The following MEN1 variants were observed in gnomAD, a reference collection of about 807,000 sequenced individuals.
The protein encoded by MEN1 is menin.
A neutral mutation model predicts 58.0 loss-of-function variants in MEN1; 6 were observed. That is an observed-to-expected ratio of 0.10 (90% CI 0.06 to 0.20). MEN1 has a LOEUF of 0.20. Among genes scored for constraint, MEN1 ranks in the 10% least tolerant of loss-of-function variants. MEN1 has a pLI of 1.00. For missense variants in MEN1, 492 were observed against 818.5 expected (o/e 0.60, Z 4.87); for synonymous variants, 346 against 350.7 (o/e 0.99, Z 0.15).
In MEN1 at chr11:64,804,757, C is replaced by A. The variant is rs1060503795; in HGVS notation, c.1410G>T (p.Pro470=). The A allele has an allele frequency of 6.3e-7, 1 of 1,596,956 alleles. No homozygotes were observed. The highest frequency in any genetic ancestry group is 1.1e-5 in the South Asian group (1 of 90,992). ...GGCCTTCCCGGGCTTCCTCGCCCCA[C>A]GGCTCCTCGGCCTCGGCCGCCTCGG... ...REAEAAEAEE[P]WGEEAREGRR... is the part of the protein sequence containing the mutation. The change falls in exon 10 of 10, where the codon CCG becomes CCT. Residue 470 remains proline (P), a synonymous_variant. Transcript: ENST00000450708. The surrounding 1 kb of genome is among the most constrained non-coding windows in gnomAD (Gnocchi z 4.2).
In MEN1 at chr11:64,803,766, G is replaced by A. The variant is rs1941434677; in HGVS notation, c.*568C>T. 1 of 242,608 alleles carries A rather than the reference G, an allele frequency of 4.1e-6. No individual in the cohort carries two copies. The highest frequency in any genetic ancestry group is 5.1e-5 in the Admixed American group (1 of 19,672). 15.0% of individuals were successfully genotyped at this position (242,608 alleles called of 1,614,324 possible). A position where few individuals can be genotyped will look rare whatever the true frequency, so the allele number is the denominator to read the frequency against. ...TCATAGGCTGGGGGCGGAGTTTTGT[G>A]TCCCAGACTCGGGATACGAAGGAGA... is the stretch of plus-strand genomic sequence containing the variant. On this transcript the variant is annotated 3_prime_UTR_variant, in exon 10 of 10. Transcript: ENST00000450708.
intron 2 of MEN1, 78 bp downstream of exon 2, chr11:64,809,587 C>G (rs888336418): frequency 1.7e-4 from 267 of 1,566,522 alleles, no homozygotes; most frequent in Non-Finnish European, 2.2e-4. Flanking sequence ...GCTTACAGTT[C>G]TTAAAAGGGT....
rs748369241 is a variant in MEN1 at position 64,807,184 on chromosome 11, C to A, written c.819G>T (p.Leu273=). ...GGCCACTTCCCTCTACTGACCTTTCCAGATGTCCCAGGTCATAGAGCAGCC... is the reference window on the plus strand; with the variant it reads ...GGCCACTTCCCTCTACTGACCTTTCAAGATGTCCCAGGTCATAGAGCAGCC... ...LLWLLYDLGH[L]ERYPMALGNL... The change falls in exon 5 of 10, where the codon CTG becomes CTT. Residue 273 remains leucine (L), a synonymous_variant. Transcript: ENST00000450708. The surrounding 1 kb of genome is among the most constrained non-coding windows in gnomAD (Gnocchi z 4.9). 5 of 1,614,014 alleles carry A rather than the reference C, an allele frequency of 3.1e-6. No homozygotes were observed. The highest frequency in any genetic ancestry group is 3.4e-6 in the Non-Finnish European group (4 of 1,179,964).
chr11:64,806,431 T>G, intron 6 of MEN1, 63 bp from the exon 7 acceptor site: 1 of 1,603,942 alleles, frequency 6.2e-7, no homozygotes, highest in Non-Finnish European at 8.5e-7. Flanking sequence ...CTGGCACAAA[T>G]GCCCCACCAG....
At position 64,808,065 on chromosome 11, in the gene MEN1, A is replaced by G. The variant is rs2136157794; in HGVS notation, c.480T>C (p.Ala160=). The change falls in exon 3 of 10, where the codon GCT becomes GCC. Residue 160 remains alanine, a synonymous_variant. Coordinates refer to ENST00000450708, the MANE Select transcript of MEN1 (RefSeq NM_001370259.2). ...CCAGGGCCTGGCAGGCCCCAACCACAGCAAAGGCCACACCGGAGCTGTCCA... is the reference window on the plus strand; with the variant it reads ...CCAGGGCCTGGCAGGCCCCAACCACGGCAAAGGCCACACCGGAGCTGTCCA... The part of the protein sequence containing the change: ...TKLDSSGVAF[A]VVGACQALGL... 4.3e-6 allele frequency: 7 copies of G among 1,613,830 alleles called. No individual in the cohort carries two copies. The highest frequency in any genetic ancestry group is 5.9e-6 in the Non-Finnish European group (7 of 1,179,898).
At chr11:64,805,826 GC>G in intron 7 of MEN1, 56 bp from the exon 8 acceptor site, 1 of 1,606,398 alleles carries the variant, frequency 6.2e-7, no homozygotes, top group Non-Finnish European at 8.5e-7. Context: ...ATCGGGGGTA[GC>G]CCCAGGGACC....
At chr11:64,806,169 T>G (rs1592642603) in intron 7 of MEN1, 63 bp downstream of exon 7, 1 of 1,606,198 alleles carries the variant, frequency 6.2e-7, no homozygotes, top group East Asian at 2.2e-5. Flanking sequence ...TGGACGAGGG[T>G]GGTTGGAAAC....
Position 64,807,305 on chromosome 11 carries a change from C to T in MEN1, c.784-86G>A, listed in dbSNP as rs1451914798. ...TATCGGGCAGAGGTGGGGGTCAGAA[C>T]CAACAGGGACCACCCACCATGTGGA... On this transcript the variant is annotated intron_variant, in intron 4 of 9. Transcript: ENST00000450708. This position sits in a 1 kb window ranked among gnomAD's most constrained non-coding sequence, Gnocchi z 4.9. The T allele has an allele frequency of 6.9e-7, 1 of 1,458,550 alleles. No homozygotes were observed. Among genetic ancestry groups the T allele is most frequent in the Non-Finnish European group, 9.4e-7 (1 of 1,065,286 alleles). 90.4% of individuals were successfully genotyped at this position (1,458,550 alleles called of 1,614,324 possible). A position where few individuals can be genotyped will look rare whatever the true frequency, so the allele number is the denominator to read the frequency against.
chr11:64,809,426 G>A (rs955019064), intron 2 of MEN1, among the ~76,000 whole-genome samples: 1 of 152,120 alleles, frequency 6.6e-6, no homozygotes, highest in Non-Finnish European at 1.5e-5. Context: ...TGCTGAGGGG[G>A]CAGAGGTGAG....
chr11:64,804,611 G>A lies in MEN1; in HGVS notation c.1556C>T (p.Pro519Leu). The change falls in exon 10 of 10, where the codon CCT becomes CTT. Residue 519 changes from proline to leucine, a missense_variant. Physicochemically the swap from Pro to Leu is moderately conservative, Grantham distance 98. Around this residue, in one of 5 missense-constraint regions of MEN1, gnomAD observed 79 missense variants for 82.5 expected, o/e 0.96. Coordinates refer to ENST00000450708, the MANE Select transcript of MEN1 (RefSeq NM_001370259.2). This position sits in a 1 kb window ranked among gnomAD's most constrained non-coding sequence, Gnocchi z 4.2. The stretch of plus-strand genomic sequence containing the variant: ...TCGGGCTGTGCCAGCGACAGTCCCA[G>A]GAGGCTTCCGGGGGGGTCCTGACAC... ...GAVSGPPRKP[P>L]GTVAGTARGP... The A allele has an allele frequency of 1.9e-6, 3 of 1,609,684 alleles. No homozygotes were observed. The highest frequency in any genetic ancestry group is 2.5e-6 in the Non-Finnish European group (3 of 1,179,240).
Position 64,804,297 on chromosome 11 carries a change from C to T in MEN1, c.*37G>A, listed in dbSNP as rs1312973646. ...CAGAGTTGGGGGACTAAGGGCGGAG[C>T]CTGGGTCCCCACAAGCGGTCCGAAG... On this transcript the variant is annotated 3_prime_UTR_variant, in exon 10 of 10. Transcript: ENST00000450708. This position sits in a 1 kb window ranked among gnomAD's most constrained non-coding sequence, Gnocchi z 4.2. 1.9e-6 allele frequency: 3 copies of T among 1,613,934 alleles called. No individual in the cohort carries two copies. Among genetic ancestry groups the T allele is most frequent in the Admixed American group, 3.3e-5 (2 of 60,020 alleles).
chr11:64,806,812 G>C (rs1207320527), intron 6 of MEN1, among the ~76,000 whole-genome samples, 199 bp downstream of exon 6: 1 of 152,194 alleles, frequency 6.6e-6, no homozygotes, highest in Non-Finnish European at 1.5e-5. Flanking sequence ...TGCAGCCCCT[G>C]CCACTCCCAG....
At chr11:64,809,582 C>T in intron 2 of MEN1, 83 bp downstream of exon 2, 1 of 1,539,632 alleles carries the variant, frequency 6.5e-7, no homozygotes, top group Non-Finnish European at 8.9e-7. Flanking sequence ...ACAAGGCTTA[C>T]AGTTCTTAAA....
Position 64,804,905 on chromosome 11 carries a change from C to A in MEN1, c.1351-89G>T, listed in dbSNP as rs1273243262. 1 of 1,596,684 alleles carries A rather than the reference C, an allele frequency of 6.3e-7. No individual in the cohort carries two copies. ...CCTGCTCTGGCCATCCCATCCCACC[C>A]AGGGGGTCTCAGTCCCATCGGCACC... On this transcript the variant is annotated intron_variant, in intron 9 of 9. Transcript: ENST00000450708. This position sits in a 1 kb window ranked among gnomAD's most constrained non-coding sequence, Gnocchi z 4.2.
chr11:64,804,939 T>TGGGCAGATGCTGCCCCTG lies in MEN1; in HGVS notation c.1350+77_1350+94dup. On this transcript the variant is annotated intron_variant, in intron 9 of 9. Coordinates refer to ENST00000450708, the MANE Select transcript of MEN1 (RefSeq NM_001370259.2). The surrounding 1 kb of genome is among the most constrained non-coding windows in gnomAD (Gnocchi z 4.2). ...TCAGTCCCATCGGCACCCAAGGGGATGGGCAGATGCTGCCCCTGGGCCAGA... is the reference window on the plus strand; with the variant it reads ...TCAGTCCCATCGGCACCCAAGGGGATGGGCAGATGCTGCCCCTGGGGCAGATGCTGCCCCTGGGCCAGA... 2 of 1,598,454 alleles carry TGGGCAGATGCTGCCCCTG rather than the reference T, an allele frequency of 1.3e-6. No homozygotes were observed. Among genetic ancestry groups the TGGGCAGATGCTGCCCCTG allele is most frequent in the Non-Finnish European group, 1.7e-6 (2 of 1,178,214 alleles).
intron 6 of MEN1, among the ~76,000 whole-genome samples, chr11:64,806,660 C>T (rs571232336): frequency 1.6e-4 from 25 of 152,298 alleles, no homozygotes; most frequent in South Asian, 6.2e-4. Flanking sequence ...GACTTTCAAG[C>T]CCAGCCCAAT....
chr11:64,806,083 C>G (rs371227540), intron 7 of MEN1, 149 bp downstream of exon 7: 4 of 1,021,614 alleles, frequency 3.9e-6, no homozygotes, highest in Non-Finnish European at 4.4e-6. Context: ...GGGTCCCTAC[C>G]TCCTGGGTAA....
chr11:64,806,932 T>C, intron 6 of MEN1, 79 bp downstream of exon 6: 1 of 1,289,890 alleles, frequency 7.8e-7, no homozygotes, highest in South Asian at 1.2e-5. Context: ...CAAAGTTCTC[T>C]TCTCATCTGC....
intron 2 of MEN1, 59 bp from the exon 3 acceptor site, chr11:64,808,158 G>A (rs538380993): frequency 1.3e-5 from 20 of 1,487,952 alleles, no homozygotes; most frequent in Non-Finnish European, 1.6e-5. Context: ...GGGAAAGGGG[G>A]CCAGGTAGTG....
Sources: gnomAD v4.1 joint callset for allele counts (sites outside exome capture counted in the v4.1 genomes callset) on GRCh38, gnomAD v4.1.1 for gene constraint, gnomAD v4.1.1 regional missense constraint, Gnocchi (gnomAD v3.1) non-coding constraint, MANE v1.5 for transcripts, NCBI Gene and HGNC (gene_info 2026-07-23, HGNC 2026-07-21) for gene names.